The following NAV3 variants were observed in gnomAD, a reference collection of about 807,000 sequenced individuals.
NAV3 encodes the protein pore membrane and/or filament interacting like protein 1.
NAV3 carries 87 observed loss-of-function variants against 244.7 expected under a neutral mutation model. The ratio of observed to expected loss-of-function variants is 0.36; its 90% CI spans 0.30 to 0.42. NAV3 has a LOEUF of 0.42. Among genes scored for constraint, NAV3 ranks in the 20% least tolerant of loss-of-function variants. NAV3 has a pLI of 1.00. For synonymous variants in NAV3, 1,126 were observed against 1,042.2 expected, an observed-to-expected ratio of 1.08 and a Z score of -1.55; for missense variants, 2,663 against 2,893.3, an observed-to-expected ratio of 0.92 and a Z score of 1.83.
intron 9 of NAV3, among the ~76,000 whole-genome samples, chr12:78,026,426 G>A (rs1357836549): frequency 6.6e-6 from 1 of 152,060 alleles, no homozygotes; most frequent in East Asian, 1.9e-4. Context: ...AGTTGCCCAA[G>A]CCTGAAACCT....
At chr12:77,674,791 A>G (rs1874136445) in intron 2 of NAV3, among the ~76,000 whole-genome samples, 1 of 152,208 alleles carries the variant, frequency 6.6e-6, no homozygotes, top group African/African-American at 2.4e-5. Context: ...TATATGTTCT[A>G]GGCTTGATAG....
intron 34 of NAV3, among the ~76,000 whole-genome samples, chr12:78,195,354 T>TTTA (rs148621116): frequency 0.082 from 12,357 of 151,552 alleles, 646 homozygotes; most frequent in Non-Finnish European, 0.13. Flanking sequence ...TTCAATCCTT[T>TTTA]TTATTATTAT....
At chr12:78,168,581 T>G (rs776683397) in intron 23 of NAV3, among the ~76,000 whole-genome samples, 174 bp from the exon 24 acceptor site, 4 of 151,808 alleles carry the variant, frequency 2.6e-5, no homozygotes, top group Non-Finnish European at 4.4e-5. Context: ...ACCACCTCCT[T>G]TACTTTAGCT....
rs545122846 is a variant in NAV3, at chr12:77,952,191, CTT to C, written c.414+11061_414+11062del. ...CTAGTCTGTGGTTTGTCTTCTCACT[CTT>C]TTGACACTGCTTTACAGGGCAGAAG... On this transcript the variant is annotated intron_variant, in intron 3 of 39. Transcript: ENST00000397909. 1.8e-3 allele frequency among the ~76,000 whole-genome samples: 278 copies of C among 151,928 alleles called. 3 individuals are homozygous for C. Among genetic ancestry groups the C allele is most frequent in the African/African-American group, 6.4e-3 (265 of 41,448 alleles).
intron 21 of NAV3, 151 bp downstream of exon 21, chr12:78,146,543 T>C (rs543908483): frequency 4.1e-5 from 12 of 294,732 alleles, no homozygotes; most frequent in African/African-American, 2.4e-4. Flanking sequence ...AAATGGTCTT[T>C]GATATTGCCT....
chr12:77,640,934 T>C (rs1236653197), intron 2 of NAV3, among the ~76,000 whole-genome samples: 3 of 152,126 alleles, frequency 2.0e-5, no homozygotes, highest in Non-Finnish European at 4.4e-5. Context: ...AGTGGGCTGA[T>C]ACAAAGTTGT....
intron 21 of NAV3, among the ~76,000 whole-genome samples, chr12:78,146,622 T>G (rs1287930763): frequency 2.0e-5 from 3 of 152,128 alleles, no homozygotes; most frequent in Non-Finnish European, 2.9e-5. Flanking sequence ...GAGTCTTAGC[T>G]CAACACCTAA....
At chr12:77,684,976 C>T (rs1040533985) in intron 2 of NAV3, among the ~76,000 whole-genome samples, 1 of 152,110 alleles carries the variant, frequency 6.6e-6, no homozygotes, top group African/African-American at 2.4e-5. Flanking sequence ...GACTGTGTAA[C>T]CTGTTCCATT....
chr12:77,690,376 T>C (rs1471151504), intron 2 of NAV3, among the ~76,000 whole-genome samples: 4 of 151,838 alleles, frequency 2.6e-5, no homozygotes, highest in Admixed American at 1.3e-4. Flanking sequence ...CTACTAACAT[T>C]TTCTAGAAAA....
At chr12:77,744,276 A>T (rs1868424042) in intron 2 of NAV3, among the ~76,000 whole-genome samples, 1 of 152,142 alleles carries the variant, frequency 6.6e-6, no homozygotes, top group Non-Finnish European at 1.5e-5. Context: ...CAGATATGGT[A>T]CATTGATTTT....
intron 1 of NAV3, among the ~76,000 whole-genome samples, chr12:77,850,911 A>G (rs1877415198): frequency 6.6e-6 from 1 of 152,116 alleles, no homozygotes; most frequent in African/African-American, 2.4e-5. Flanking sequence ...GTTGGCAACT[A>G]TTGCTCATAT....
chr12:77,991,123 T>C (rs1871364926), intron 5 of NAV3, among the ~76,000 whole-genome samples: 1 of 152,158 alleles, frequency 6.6e-6, no homozygotes, highest in East Asian at 1.9e-4. Flanking sequence ...CCTCCTGGGT[T>C]CAAGCAATTC....
intron 4 of NAV3, among the ~76,000 whole-genome samples, chr12:77,967,316 G>T (rs1892605846): frequency 6.6e-6 from 1 of 151,898 alleles, no homozygotes; most frequent in Non-Finnish European, 1.5e-5. Context: ...ATTTTTTAAA[G>T]ACTCTTTAAA....
At chr12:77,880,040 C>A (rs918591588) in intron 1 of NAV3, among the ~76,000 whole-genome samples, 2 of 152,082 alleles carry the variant, frequency 1.3e-5, no homozygotes, top group Non-Finnish European at 2.9e-5. Flanking sequence ...TAAAAATGTA[C>A]CTGGCTTCAG....
intron 5 of NAV3, among the ~76,000 whole-genome samples, chr12:77,988,951 A>G (rs1257951342): frequency 6.6e-6 from 1 of 152,190 alleles, no homozygotes; most frequent in Non-Finnish European, 1.5e-5. Context: ...CAATAATGTT[A>G]AGAAAAATAA....
intron 22 of NAV3, among the ~76,000 whole-genome samples, chr12:78,156,510 G>T (rs1405163667): frequency 1.3e-5 from 2 of 151,932 alleles, no homozygotes; most frequent in East Asian, 3.9e-4. Flanking sequence ...CGATTTCTTT[G>T]TCAAACTTTA....
chr12:77,896,338 A>G (rs1439868064), intron 1 of NAV3, among the ~76,000 whole-genome samples: 4 of 152,214 alleles, frequency 2.6e-5, no homozygotes, highest in Non-Finnish European at 5.9e-5. Context: ...TAGGGCTCTT[A>G]ATTCTGATCC....
intron 23 of NAV3, among the ~76,000 whole-genome samples, chr12:78,162,905 T>TATATATAATATATAATATATATATAA (rs1172730596): frequency 1.5e-5 from 2 of 129,450 alleles, no homozygotes; most frequent in African/African-American, 5.3e-5. Flanking sequence ...TATATATAAA[T>TATATATAATATATAATATATATATAA]ATATATATTA....
chr12:77,931,314 G>A (rs1888763481), intron 1 of NAV3, among the ~76,000 whole-genome samples: 1 of 152,054 alleles, frequency 6.6e-6, no homozygotes, highest in South Asian at 2.1e-4. Flanking sequence ...ATTTGTGTGT[G>A]TGTGGGTGTA....
Sources: allele counts gnomAD v4.1 joint callset (sites outside exome capture counted in the v4.1 genomes callset), GRCh38; gene constraint gnomAD v4.1.1; transcripts MANE v1.5; gene names NCBI Gene and HGNC (gene_info 2026-07-23, HGNC 2026-07-21).